ASRGL1: variants seen among roughly 807,000 people sequenced by gnomAD.
ASRGL1 encodes the protein isoaspartyl peptidase/L-asparaginase.
A neutral mutation model predicts 22.4 loss-of-function variants in ASRGL1; 16 were observed. The ratio of observed to expected loss-of-function variants is 0.71; its 90% CI spans 0.48 to 1.08. The LOEUF (loss-of-function observed/expected upper bound fraction) is 1.08, where lower values mean the gene tolerates loss of function less well. ASRGL1 is among the 50% of genes least tolerant of loss of function. The pLI, the probability that ASRGL1 is intolerant of heterozygous loss-of-function variation, is 0.00. For missense variants in ASRGL1, 412 were observed against 410.1 expected (o/e 1.00, Z -0.04); for synonymous variants, 165 against 159.3 (o/e 1.04, Z -0.27).
intron 2 of ASRGL1, among the ~76,000 whole-genome samples, chr11:62,353,341 T>C (rs1946209696): frequency 7.3e-6 from 1 of 136,290 alleles, no homozygotes; most frequent in African/African-American, 2.5e-5. Flanking sequence ...ATTTTTATGA[T>C]GCTTTTTTTT....
intron 4 of ASRGL1, among the ~76,000 whole-genome samples, chr11:62,362,581 TA>T (rs1378403477): frequency 2.0e-5 from 1 of 49,184 alleles, no homozygotes; most frequent in Non-Finnish European, 3.7e-5. Context: ...ATATATTATA[TA>T]AAATATATAA....
At chr11:62,378,864 A>AGGCT (rs1191524094) in intron 4 of ASRGL1, among the ~76,000 whole-genome samples, 1 of 152,070 alleles carries the variant, frequency 6.6e-6, no homozygotes, top group Non-Finnish European at 1.5e-5. Flanking sequence ...TGGGTTTAGG[A>AGGCT]GGCTCTACAG....
At position 62,357,084 on chromosome 11, in the gene ASRGL1, A is replaced by G. The variant is rs777676546; in HGVS notation, c.431A>G (p.Asn144Ser). The G allele has an allele frequency of 1.2e-6, 2 of 1,614,162 alleles. No individual in the cohort carries two copies. Among genetic ancestry groups the G allele is most frequent in the South Asian group, 1.1e-5 (1 of 91,078 alleles). The change falls in exon 4 of 7, where the codon AAC (asparagine) becomes AGC (serine). Residue 144 changes from asparagine (N) to serine (S), a missense_variant. Asn to Ser is a conservative substitution (Grantham distance 46). Transcript: ENST00000415229. ...GGAGAAAAACTGGTGACAGAGAGAAACAAAAAGCGCCTGGAAAAAGAGAAG... is the reference window on the plus strand; with the variant it reads ...GGAGAAAAACTGGTGACAGAGAGAAGCAAAAAGCGCCTGGAAAAAGAGAAG... ...IPGEKLVTER[N>S]KKRLEKEKHE...
At chr11:62,382,258 G>A (rs1373225744) in intron 4 of ASRGL1, 5 of 151,448 alleles carry the variant, frequency 3.3e-5, no homozygotes, top group African/African-American at 9.8e-5. Context: ...CTCAGCATAC[G>A]GAGGACCCCC....
intron 4 of ASRGL1, chr11:62,373,015 AG>A (rs1197912010): frequency 4.7e-5 from 65 of 1,378,840 alleles, no homozygotes; most frequent in Non-Finnish European, 1.6e-5. Flanking sequence ...CACAAGCCCA[AG>A]TCTTCCACTG....
chr11:62,338,042 G>T lies in ASRGL1; in HGVS notation c.65G>T (p.Arg22Leu). 6.2e-7 allele frequency: 1 copy of T among 1,608,328 alleles called. No homozygotes were observed. The highest frequency in any genetic ancestry group is 2.2e-5 in the East Asian group (1 of 44,660). ...CCCATCTCCAAGGATCGGAAGGAGC[G>T]AGTGCACCAGGGCATGGTCAGAGCC... ...AGPISKDRKERVHQGMVRAAT... is the reference protein window; with the variant it reads ...AGPISKDRKELVHQGMVRAAT... The change falls in exon 2 of 7, where the codon CGA becomes CTA. Residue 22 changes from arginine (R) to leucine (L), a missense_variant. Arg to Leu is a moderately radical substitution (Grantham distance 102). Coordinates refer to ENST00000415229, the MANE Select transcript of ASRGL1 (RefSeq NM_001083926.2).
chr11:62,362,693 TTA>T (rs1420210038), intron 4 of ASRGL1, among the ~76,000 whole-genome samples: 1 of 80,020 alleles, frequency 1.2e-5, no homozygotes, highest in Non-Finnish European at 2.2e-5. Flanking sequence ...AAAATATATA[TTA>T]TATATTATAT....
chr11:62,344,204 A>C (rs1011760802), intron 2 of ASRGL1, among the ~76,000 whole-genome samples: 1 of 152,014 alleles, frequency 6.6e-6, no homozygotes, highest in Non-Finnish European at 1.5e-5. Flanking sequence ...CCTGTCGTTC[A>C]TATTTCTTCA....
chr11:62,360,530 A>G (rs1946408047), intron 4 of ASRGL1, among the ~76,000 whole-genome samples: 1 of 152,170 alleles, frequency 6.6e-6, no homozygotes, highest in African/African-American at 2.4e-5. Context: ...GAAAGTAAAA[A>G]TCTTCAAAGA....
Position 62,389,317 on chromosome 11 carries a change from T to G in ASRGL1, c.610+66T>G, listed in dbSNP as rs781713818. ...CCGCCCTCAGGCTTTCCTCACTCTC[T>G]ATTCCCTGCCCCTCTCCGTTTCTTG... is the stretch of plus-strand genomic sequence containing the variant. On this transcript the variant is annotated intron_variant, in intron 5 of 6. Coordinates refer to ENST00000415229, the MANE Select transcript of ASRGL1 (RefSeq NM_001083926.2). 3 of 1,390,710 alleles carry G rather than the reference T, an allele frequency of 2.2e-6. No individual in the cohort carries two copies. In the South Asian group the frequency reaches 3.5e-5, roughly 16 times the overall value. The allele number at this position is 1,390,710 out of a possible 1,614,324, so 86.1% of individuals were successfully genotyped here.
intron 4 of ASRGL1, among the ~76,000 whole-genome samples, chr11:62,362,583 A>AAATATATAT (rs1946479495): frequency 2.8e-4 from 10 of 35,624 alleles, no homozygotes; most frequent in South Asian, 6.1e-4. Context: ...ATATTATATA[A>AAATATATAT]AATATATAAT....
intron 4 of ASRGL1, chr11:62,371,271 TGGTGGCAGC>T: frequency 1.5e-6 from 2 of 1,348,642 alleles, no homozygotes; most frequent in South Asian, 2.9e-5. Context: ...GTAGCAGCAG[TGGTGGCAGC>T]AGCAGCAGCG....
intron 4 of ASRGL1, among the ~76,000 whole-genome samples, chr11:62,387,170 T>C (rs1334800258): frequency 1.3e-5 from 2 of 151,966 alleles, no homozygotes; most frequent in African/African-American, 4.8e-5. Context: ...CCCAAAGTGC[T>C]GGAATTACAG....
chr11:62,366,425 A>G lies in ASRGL1; in HGVS notation c.491+9281A>G, dbSNP rs574546249. Among the ~76,000 whole-genome samples, 24 of 144,274 alleles carry G rather than the reference A, an allele frequency of 1.7e-4. No individual in the cohort carries two copies. In the South Asian group the frequency reaches 4.7e-3, roughly 28 times the overall value. The allele number at this position is 144,274 out of a possible 152,430, so 94.6% of individuals were successfully genotyped here. On this transcript the variant is annotated intron_variant, in intron 4 of 6. Transcript: ENST00000415229. ...CTCCAGTTGTATTTGTATTGTTGCC[A>G]TGGCCCCTTGCAAATGTTAGAGGTG...
intron 4 of ASRGL1, among the ~76,000 whole-genome samples, chr11:62,357,641 A>G (rs1391006328): frequency 6.6e-6 from 1 of 152,082 alleles, no homozygotes; most frequent in African/African-American, 2.4e-5. Context: ...TATCTTAAAT[A>G]GACTAAACAG....
At chr11:62,372,831 G>A (rs1414396975) in intron 4 of ASRGL1, 1 of 1,602,664 alleles carries the variant, frequency 6.2e-7, no homozygotes, top group Non-Finnish European at 8.5e-7. Flanking sequence ...GTTTTTCTGG[G>A]GGGCCACCAA....
chr11:62,366,423 C>T (rs1485928627), intron 4 of ASRGL1, among the ~76,000 whole-genome samples: 2 of 143,800 alleles, frequency 1.4e-5, no homozygotes, highest in African/African-American at 5.0e-5. Flanking sequence ...TGTATTGTTG[C>T]CATGGCCCCT....
chr11:62,342,559 G>A (rs1421005665), intron 2 of ASRGL1, among the ~76,000 whole-genome samples: 2 of 151,994 alleles, frequency 1.3e-5, no homozygotes, highest in Non-Finnish European at 2.9e-5. Flanking sequence ...GAGTTCAAGA[G>A]CAGCCTGTCC....
chr11:62,384,274 G>A (rs1278572244), intron 4 of ASRGL1, among the ~76,000 whole-genome samples: 3 of 151,860 alleles, frequency 2.0e-5, no homozygotes, highest in Non-Finnish European at 4.4e-5. Flanking sequence ...GGAGGCCAAG[G>A]CAGGCAGATC....
Sources: gnomAD v4.1 joint callset for allele counts (sites outside exome capture counted in the v4.1 genomes callset) on GRCh38, gnomAD v4.1.1 for gene constraint, MANE v1.5 for transcripts, NCBI Gene and HGNC (gene_info 2026-07-23, HGNC 2026-07-21) for gene names.